Variants in PHLDB2 observed in about 807,000 individuals in gnomAD.
PHLDB2 encodes the protein pleckstrin homology-like domain family B member 2.
Under a neutral mutation model 123.6 loss-of-function variants are expected in PHLDB2, and 71 were observed. The ratio of observed to expected loss-of-function variants is 0.57; its 90% confidence interval spans 0.47 to 0.70. PHLDB2 has a LOEUF of 0.70. Among genes scored for constraint, PHLDB2 ranks in the 30% least tolerant of loss-of-function variants. PHLDB2 has a pLI of 0.00. For missense variants in PHLDB2, 1,446 were observed against 1,519.5 expected (o/e 0.95, Z 0.80); for synonymous variants, 547 against 541.6 (o/e 1.01, Z -0.14).
intron 2 of PHLDB2, among the ~76,000 whole-genome samples, chr3:111,850,159 C>G (rs1018188709): frequency 6.6e-6 from 1 of 151,202 alleles, no homozygotes; most frequent in Non-Finnish European, 1.5e-5. Flanking sequence ...CCGCGCCCAG[C>G]CGCTGGAGGC....
upstream of PHLDB2, among the ~76,000 whole-genome samples, chr3:111,855,492 T>C (rs2064445275): frequency 1.2e-5 from 1 of 86,868 alleles, no homozygotes. Context: ...CCTTCTTTGC[T>C]TCCTTCCTTC....
Position 111,884,220 on chromosome 3 carries a change from G to A in PHLDB2, c.143G>A (p.Arg48Lys). 1 of 1,614,154 alleles carries A rather than the reference G, an allele frequency of 6.2e-7. No homozygotes were observed. The highest frequency in any genetic ancestry group is 8.5e-7 in the Non-Finnish European group (1 of 1,180,018). ...LSPKKYSSSL[R>K]FKANGDYSGS... ...CCAAAGAAATACTCTTCCAGTCTGA[G>A]ATTTAAAGCCAATGGAGACTATTCT... The change falls in exon 2 of 18, where the codon AGA (arginine) becomes AAA (lysine). Residue 48 changes from arginine to lysine, a missense_variant. By Grantham distance (26) the Arg-to-Lys change is conservative. Coordinates refer to ENST00000431670, the MANE Select transcript of PHLDB2 (RefSeq NM_001134438.2).
chr3:111,763,691 G>T (rs185404162), intron 1 of PHLDB2, among the ~76,000 whole-genome samples: 119 of 152,230 alleles, frequency 7.8e-4, no homozygotes, highest in African/African-American at 2.8e-3. Flanking sequence ...AGTATTAGGA[G>T]GTGATTCGAT....
intron 6 of PHLDB2, among the ~76,000 whole-genome samples, chr3:111,937,798 A>G (rs970050066): frequency 1.5e-4 from 23 of 152,134 alleles, no homozygotes; most frequent in African/African-American, 5.5e-4. Flanking sequence ...TTAAAAAAAA[A>G]AAAGGAAAAG....
At chr3:111,860,017 G>A (rs2064738919) in intron 1 of PHLDB2, 1 of 507,496 alleles carries the variant, frequency 2.0e-6, no homozygotes, top group Non-Finnish European at 2.5e-6. Context: ...ATGACTCTCG[G>A]GGGGCTGGGT....
chr3:111,827,311 G>T (rs1298759948), intron 1 of PHLDB2, among the ~76,000 whole-genome samples: 1 of 152,162 alleles, frequency 6.6e-6, no homozygotes, highest in African/African-American at 2.4e-5. Context: ...AGCTCCTACT[G>T]CCTCTGCAGC....
At chr3:111,940,480 G>A (rs1037552776) in intron 7 of PHLDB2, 55 bp from the exon 8 acceptor site, 3 of 1,033,314 alleles carry the variant, frequency 2.9e-6, no homozygotes, top group African/African-American at 1.7e-5. Context: ...GGACAGACTA[G>A]CAAACCTTTG....
chr3:111,867,047 G>A (rs2065123426), intron 1 of PHLDB2, among the ~76,000 whole-genome samples: 1 of 150,448 alleles, frequency 6.6e-6, no homozygotes, highest in Non-Finnish European at 1.5e-5. Flanking sequence ...TCATTATTTG[G>A]GCACGCAGTG....
chr3:111,854,292 C>A (rs1457730046), upstream of PHLDB2, among the ~76,000 whole-genome samples: 3 of 152,168 alleles, frequency 2.0e-5, no homozygotes, highest in Admixed American at 6.5e-5. Flanking sequence ...AATTACAATT[C>A]CAGGTGAGAT....
intron 1 of PHLDB2, among the ~76,000 whole-genome samples, chr3:111,792,159 C>T (rs945090619): frequency 1.8e-4 from 27 of 152,166 alleles, no homozygotes; most frequent in African/African-American, 6.5e-4. Context: ...CTTCCAGATG[C>T]AGGACTCCCT....
intron 1 of PHLDB2, among the ~76,000 whole-genome samples, chr3:111,753,763 T>C (rs530920439): frequency 2.1e-4 from 32 of 152,134 alleles, no homozygotes; most frequent in Non-Finnish European, 4.0e-4. Flanking sequence ...GGTTTTCTTC[T>C]AGGGTGTTTA....
intron 5 of PHLDB2, among the ~76,000 whole-genome samples, chr3:111,925,539 A>G (rs1358469146): frequency 6.6e-6 from 1 of 152,210 alleles, no homozygotes; most frequent in Non-Finnish European, 1.5e-5. Context: ...TGGAGGGTAT[A>G]TTTACTTGGT....
At chr3:111,945,461 C>A (rs2107615304) in intron 9 of PHLDB2, 104 bp downstream of exon 9, 2 of 860,582 alleles carry the variant, frequency 2.3e-6, no homozygotes, top group South Asian at 1.5e-5. Flanking sequence ...ACTCAAAGGA[C>A]CTGTGAAAGC....
At chr3:111,891,060 C>T (rs1346864746) in intron 2 of PHLDB2, among the ~76,000 whole-genome samples, 1 of 152,076 alleles carries the variant, frequency 6.6e-6, no homozygotes, top group African/African-American at 2.4e-5. Flanking sequence ...TTGTGACATC[C>T]ATTTGGACTG....
chr3:111,836,201 G>A (rs2063386653), intron 1 of PHLDB2, among the ~76,000 whole-genome samples: 1 of 152,188 alleles, frequency 6.6e-6, no homozygotes, highest in Non-Finnish European at 1.5e-5. Context: ...AATGCAGAAA[G>A]AGAAGAAAGT....
chr3:111,856,009 T>C (rs563258803), upstream of PHLDB2, among the ~76,000 whole-genome samples: 128 of 152,294 alleles, frequency 8.4e-4, no homozygotes, highest in Non-Finnish European at 1.2e-3. Flanking sequence ...ATGAAAGCTA[T>C]TGAAAACCAC....
intron 5 of PHLDB2, among the ~76,000 whole-genome samples, chr3:111,920,893 G>C (rs1240029809): frequency 7.2e-5 from 11 of 152,134 alleles, no homozygotes; most frequent in Non-Finnish European, 1.6e-4. Context: ...CATCTCACCT[G>C]CTTTGCCTTG....
intron 1 of PHLDB2, among the ~76,000 whole-genome samples, chr3:111,836,135 A>G (rs529848263): frequency 6.6e-6 from 1 of 152,212 alleles, no homozygotes; most frequent in Non-Finnish European, 1.5e-5. Flanking sequence ...CAATGATATG[A>G]CTTAAGAACA....
In PHLDB2 at chr3:111,932,374, C is replaced by T. The variant is rs1343425143; in HGVS notation, c.2107C>T (p.Gln703Ter). Residue 703 changes from glutamine to a stop codon, truncating the protein, a stop_gained, in exon 6 of 18, where the codon CAG becomes TAG. Transcript: ENST00000431670. LOFTEE classifies it high-confidence loss of function. Reference sequence around the variant, plus strand: ...CAATTGTCCTGAGTCCATGAGGGAACAGTTACAACAACAACTGAAGAGGGT... The same window carrying T: ...CAATTGTCCTGAGTCCATGAGGGAATAGTTACAACAACAACTGAAGAGGGT... ...LDNCPESMRE[Q>*]LQQQLKRDAD... 2.6e-6 allele frequency: 4 copies of T among 1,551,150 alleles called. No individual in the cohort carries two copies. Among genetic ancestry groups the T allele is most frequent in the African/African-American group, 1.4e-5 (1 of 73,018 alleles).
Sources: gnomAD v4.1 joint callset for allele counts (sites outside exome capture counted in the v4.1 genomes callset) on GRCh38, gnomAD v4.1.1 for gene constraint, MANE v1.5 for transcripts, NCBI Gene and HGNC (gene_info 2026-07-23, HGNC 2026-07-21) for gene names.